The following OR56A3 variants were observed in gnomAD, a reference collection of about 807,000 sequenced individuals.
OR56A3 encodes the protein olfactory receptor 56A3.
OR56A3 carries 23 observed loss-of-function variants against 17.5 expected under a neutral mutation model. That is an observed-to-expected ratio of 1.32 (90% CI 0.95 to 1.87). The LOEUF is 1.87. OR56A3 is among the 40% of genes most tolerant of loss of function. The pLI, the probability that OR56A3 is intolerant of heterozygous loss-of-function variation, is 0.00. For missense variants in OR56A3, 366 were observed against 380.1 expected (o/e 0.96, Z 0.31); for synonymous variants, 175 against 150.6 (o/e 1.16, Z -1.19).
the OR56A3 span, chr11:5,967,678 G>C: frequency 6.2e-7 from 1 of 1,613,902 alleles, no homozygotes. Context: ...GGGACATCCG[G>C]AGGAATTCTC....
chr11:5,971,490 C>A, the OR56A3 span, among the ~76,000 whole-genome samples: 1 of 152,164 alleles, frequency 6.6e-6, no homozygotes, highest in Admixed American at 6.5e-5. Context: ...TCCTCCCTCA[C>A]ATTGTGGAGA....
At chr11:5,994,807 C>A in the OR56A3 span, 6 of 754,702 alleles carry the variant, frequency 8.0e-6, no homozygotes, top group Admixed American at 1.0e-4. Flanking sequence ...GGGGTCCCTT[C>A]CTCTCCAGGT....
At chr11:5,983,022 C>G in the OR56A3 span, among the ~76,000 whole-genome samples, 1 of 152,034 alleles carries the variant, frequency 6.6e-6, no homozygotes, top group Admixed American at 6.6e-5. Flanking sequence ...TGTCAGTATT[C>G]TTGATGGTTT....
chr11:5,966,749 G>A, the OR56A3 span, among the ~76,000 whole-genome samples: 25 of 152,146 alleles, frequency 1.6e-4, no homozygotes, highest in Admixed American at 3.3e-4. Flanking sequence ...TGAGAAAGAC[G>A]GTTTAACTGT....
chr11:6,009,064 C>A, the OR56A3 span, among the ~76,000 whole-genome samples: 1 of 152,090 alleles, frequency 6.6e-6, no homozygotes. Flanking sequence ...GAAGTCCTAA[C>A]CCCTAGCATC....
the OR56A3 span, among the ~76,000 whole-genome samples, chr11:5,983,061 G>A: frequency 4.0e-5 from 6 of 151,840 alleles, no homozygotes; most frequent in African/African-American, 1.5e-4. Context: ...GCTCTTCCTG[G>A]CTGTGTCTAG....
chr11:5,994,491 C>CT, the OR56A3 span: 3 of 768,368 alleles, frequency 3.9e-6, no homozygotes, highest in Admixed American at 1.7e-5. Flanking sequence ...GCAATCTGAG[C>CT]TTGTAGGCCT....
At chr11:5,953,951 A>G (rs529676015), downstream of OR56A3, among the ~76,000 whole-genome samples, 3 of 152,268 alleles carry the variant, frequency 2.0e-5, no homozygotes, top group East Asian at 5.8e-4. Context: ...TAAGCACTAT[A>G]TCAAAGTTGC....
the OR56A3 span, among the ~76,000 whole-genome samples, chr11:6,018,154 C>G: frequency 6.6e-6 from 1 of 151,908 alleles, no homozygotes; most frequent in Non-Finnish European, 1.5e-5. Context: ...GCAGAGACGC[C>G]AACGCCCAAC....
the OR56A3 span, among the ~76,000 whole-genome samples, chr11:6,019,111 A>G: frequency 6.6e-6 from 1 of 152,120 alleles, no homozygotes; most frequent in African/African-American, 2.4e-5. Context: ...AAGAAATAAC[A>G]CCAATTCTTC....
At chr11:5,982,678 T>C in the OR56A3 span, among the ~76,000 whole-genome samples, 1 of 152,232 alleles carries the variant, frequency 6.6e-6, no homozygotes, top group South Asian at 2.1e-4. Flanking sequence ...GTCTCTGTGT[T>C]CCACTGCAGC....
the OR56A3 span, among the ~76,000 whole-genome samples, chr11:6,011,687 G>T: frequency 6.6e-6 from 1 of 152,132 alleles, no homozygotes; most frequent in Non-Finnish European, 1.5e-5. Flanking sequence ...CACTCGGCTC[G>T]TTCTGTCCAT....
chr11:5,964,006 T>C, the OR56A3 span, among the ~76,000 whole-genome samples: 1 of 152,190 alleles, frequency 6.6e-6, no homozygotes, highest in Non-Finnish European at 1.5e-5. Context: ...GATGCTCTAT[T>C]ATATTTTTCA....
chr11:5,990,742 C>G, the OR56A3 span, among the ~76,000 whole-genome samples: 1 of 152,180 alleles, frequency 6.6e-6, no homozygotes, highest in Non-Finnish European at 1.5e-5. Flanking sequence ...GGCAGAGCTC[C>G]ACTCACAACA....
Position 5,947,509 on chromosome 11 carries a change from C to A in OR56A3, c.163C>A (p.Leu55Met). The change falls in exon 3 of 3, where the codon CTG becomes ATG. Residue 55 changes from leucine to methionine, a missense_variant. Physicochemically the swap from Leu to Met is conservative, Grantham distance 15. Transcript: ENST00000641160. ...ANTTLLMTIW[L>M]EASLHQPLYY... ...CACCACCCTCCTGATGACCATCTGG[C>A]TGGAGGCCTCTCTGCACCAGCCCCT... is the stretch of plus-strand genomic sequence containing the variant. 1 of 1,613,988 alleles carries A rather than the reference C, an allele frequency of 6.2e-7. No individual in the cohort carries two copies.
chr11:5,945,739 T>C (rs556434338), intron 2 of OR56A3, among the ~76,000 whole-genome samples: 1 of 152,256 alleles, frequency 6.6e-6, no homozygotes, highest in African/African-American at 2.4e-5. Context: ...TGTTTGTAAG[T>C]GGTGATAATG....
At chr11:5,961,231 C>T in the OR56A3 span, among the ~76,000 whole-genome samples, 6 of 152,128 alleles carry the variant, frequency 3.9e-5, no homozygotes, top group East Asian at 3.9e-4. Flanking sequence ...CTTCCCCGGC[C>T]GCCACCCCAT....
At chr11:5,974,281 A>G in the OR56A3 span, among the ~76,000 whole-genome samples, 1 of 151,706 alleles carries the variant, frequency 6.6e-6, no homozygotes, top group Admixed American at 6.6e-5. Context: ...TAATTTTTGT[A>G]TTTTTAATAG....
At chr11:5,967,790 T>C in the OR56A3 span, 6 of 1,582,574 alleles carry the variant, frequency 3.8e-6, no homozygotes, top group Non-Finnish European at 5.2e-6. Context: ...TGGCCATATC[T>C]CCCTCACCCT....
Sources: allele counts gnomAD v4.1 joint callset (sites outside exome capture counted in the v4.1 genomes callset), GRCh38; gene constraint gnomAD v4.1.1; transcripts MANE v1.5; gene names NCBI Gene and HGNC (gene_info 2026-07-23, HGNC 2026-07-21).